Variants in DLGAP2 observed in about 807,000 individuals in gnomAD.
DLGAP2 encodes DLG associated protein 2, also known as disks large-associated protein 2.
In DLGAP2, 26 loss-of-function variants were observed where a neutral mutation model predicts 100.3. The ratio of observed to expected loss-of-function variants is 0.26; its 90% CI spans 0.19 to 0.36. DLGAP2 has a LOEUF of 0.36. Ranked by LOEUF, DLGAP2 falls within the 10% of genes least tolerant of loss-of-function variation. DLGAP2 has a pLI of 1.00. For synonymous variants in DLGAP2, 886 were observed against 630.1 expected (o/e 1.41, Z -6.08); for missense variants, 1,858 against 1,453.2 (o/e 1.28, Z -4.53).
At chr8:1,294,868 C>CAA (rs1167753590) in intron 3 of DLGAP2, among the ~76,000 whole-genome samples, 54 of 130,236 alleles carry the variant, frequency 4.1e-4, no homozygotes, top group Non-Finnish European at 6.5e-4. Flanking sequence ...GATCTTGTCT[C>CAA]AAAACAAAAA....
intron 2 of DLGAP2, among the ~76,000 whole-genome samples, chr8:1,065,777 C>T (rs990931939): frequency 1.2e-4 from 19 of 152,200 alleles, no homozygotes; most frequent in Non-Finnish European, 2.4e-4. Context: ...GAGACAGAAT[C>T]CTGACTGTCG....
intron 2 of DLGAP2, among the ~76,000 whole-genome samples, chr8:1,174,325 T>G (rs995411274): frequency 6.7e-6 from 1 of 149,696 alleles, no homozygotes; most frequent in Non-Finnish European, 1.5e-5. Context: ...CCAAAATCAT[T>G]ATCATCATTA....
chr8:1,313,190 A>C (rs1273863016), intron 3 of DLGAP2, among the ~76,000 whole-genome samples: 1 of 152,248 alleles, frequency 6.6e-6, no homozygotes, highest in African/African-American at 2.4e-5. Flanking sequence ...AACAGGCCAG[A>C]AACCCAGTAG....
intron 5 of DLGAP2, among the ~76,000 whole-genome samples, chr8:1,550,388 C>T (rs752179022): frequency 4.6e-5 from 7 of 152,252 alleles, no homozygotes; most frequent in East Asian, 3.9e-4. Flanking sequence ...CTGAAGATCC[C>T]GACTCCTCCT....
chr8:1,652,480 G>T (rs1798189901), intron 8 of DLGAP2, among the ~76,000 whole-genome samples: 1 of 152,188 alleles, frequency 6.6e-6, no homozygotes, highest in African/African-American at 2.4e-5. Flanking sequence ...TTCTCTCTCT[G>T]TGTGAACTAC....
At chr8:1,271,519 C>G (rs924157614) in intron 3 of DLGAP2, among the ~76,000 whole-genome samples, 2 of 152,142 alleles carry the variant, frequency 1.3e-5, no homozygotes, top group Non-Finnish European at 2.9e-5. Flanking sequence ...GAAACACAGG[C>G]ACGAACGAGA....
intron 2 of DLGAP2, among the ~76,000 whole-genome samples, chr8:1,147,920 C>G (rs955461437): frequency 6.6e-6 from 1 of 152,098 alleles, no homozygotes; most frequent in Non-Finnish European, 1.5e-5. Context: ...TTTCTATTTA[C>G]GTTTACAACA....
chr8:1,025,169 T>TGTGTGTGC, intron 2 of DLGAP2, among the ~76,000 whole-genome samples: 1 of 152,074 alleles, frequency 6.6e-6, no homozygotes, highest in Non-Finnish European at 1.5e-5. Context: ...CGTGTGTGTG[T>TGTGTGTGC]CTTAATTAGT....
At chr8:950,314 C>T (rs962694596) in intron 2 of DLGAP2, among the ~76,000 whole-genome samples, 1 of 152,230 alleles carries the variant, frequency 6.6e-6, no homozygotes, top group South Asian at 2.1e-4. Context: ...TTGACAGGGA[C>T]GCAGATTTAC....
chr8:1,019,589 A>C (rs1299584967), intron 2 of DLGAP2: 2 of 151,960 alleles, frequency 1.3e-5, no homozygotes, highest in East Asian at 3.9e-4. Flanking sequence ...TTTGAAGGTG[A>C]GTTATTCATG....
Position 1,303,599 on chromosome 8 carries a change from A to C in DLGAP2, c.106+44716A>C, listed in dbSNP as rs528935843. Among the ~76,000 whole-genome samples, 19 of 152,204 alleles carry C rather than the reference A, an allele frequency of 1.2e-4. No individual in the cohort carries two copies. In the South Asian group the frequency reaches 2.9e-3, roughly 23 times the overall value. The stretch of plus-strand genomic sequence containing the variant: ...ATTTTTAAAGGTGTAACTCTCTCTT[A>C]ACGGAGAATCAGTAGAAAGTCCTCC... On this transcript the variant is annotated intron_variant, in intron 3 of 14. Coordinates refer to ENST00000637795, the MANE Select transcript of DLGAP2 (RefSeq NM_001346810.2).
chr8:937,429 C>G (rs1350390473), intron 2 of DLGAP2, among the ~76,000 whole-genome samples: 1 of 152,152 alleles, frequency 6.6e-6, no homozygotes, highest in African/African-American at 2.4e-5. Flanking sequence ...TTCCCCATGA[C>G]TATGAGAGAG....
intron 2 of DLGAP2, among the ~76,000 whole-genome samples, chr8:921,704 C>T (rs934078877): frequency 6.6e-6 from 1 of 152,258 alleles, no homozygotes; most frequent in South Asian, 2.1e-4. Context: ...CCATCCTCCA[C>T]CCAGGTGGCT....
chr8:1,541,245 T>G (rs1487218357), intron 4 of DLGAP2, among the ~76,000 whole-genome samples: 1 of 152,248 alleles, frequency 6.6e-6, no homozygotes, highest in African/African-American at 2.4e-5. Context: ...ATACATTTAT[T>G]TATTCATTCC....
chr8:927,869 A>T (rs906905233), intron 2 of DLGAP2, among the ~76,000 whole-genome samples: 1 of 152,184 alleles, frequency 6.6e-6, no homozygotes, highest in African/African-American at 2.4e-5. Flanking sequence ...AAAAACAAAC[A>T]AAAAAACCCC....
At chr8:1,287,232 G>A (rs1426919751) in intron 3 of DLGAP2, among the ~76,000 whole-genome samples, 1 of 111,704 alleles carries the variant, frequency 9.0e-6, no homozygotes, top group African/African-American at 3.6e-5. Context: ...TGTGTATGTG[G>A]TTTTGTTAGG....
chr8:823,170 A>G (rs1796618615), intron 1 of DLGAP2, among the ~76,000 whole-genome samples: 1 of 151,808 alleles, frequency 6.6e-6, no homozygotes, highest in African/African-American at 2.4e-5. Flanking sequence ...TACTTTCTCT[A>G]CCCACTTGGT....
intron 2 of DLGAP2, among the ~76,000 whole-genome samples, chr8:1,062,926 C>T (rs952979416): frequency 2.6e-5 from 4 of 152,152 alleles, no homozygotes; most frequent in Non-Finnish European, 5.9e-5. Context: ...GGAGCTGTTC[C>T]AGCTTATTCT....
intron 6 of DLGAP2, among the ~76,000 whole-genome samples, chr8:1,584,270 C>A (rs987404588): frequency 3.3e-5 from 5 of 152,128 alleles, no homozygotes; most frequent in Non-Finnish European, 7.4e-5. Context: ...CTGTTTAGAG[C>A]CTAAACATAA....
Sources: allele counts gnomAD v4.1 joint callset (sites outside exome capture counted in the v4.1 genomes callset), GRCh38; gene constraint gnomAD v4.1.1; transcripts MANE v1.5; gene names NCBI Gene and HGNC (gene_info 2026-07-23, HGNC 2026-07-21).